Variants in ETV6 observed in about 807,000 individuals in gnomAD.
The protein encoded by ETV6 is transcription factor ETV6.
In ETV6, 16 loss-of-function variants were observed where a neutral mutation model predicts 51.1. That is an observed-to-expected ratio of 0.31 (90% CI 0.21 to 0.48). ETV6 has a LOEUF of 0.48. Among genes scored for constraint, ETV6 ranks in the 20% least tolerant of loss-of-function variants. The pLI, the probability that ETV6 is intolerant of heterozygous loss-of-function variation, is 0.99. For missense variants in ETV6, 458 were observed against 594.8 expected (o/e 0.77, Z 2.39); for synonymous variants, 240 against 224.1 (o/e 1.07, Z -0.64).
At chr12:11,702,730 A>T (rs1865007768) in intron 1 of ETV6, among the ~76,000 whole-genome samples, 1 of 152,198 alleles carries the variant, frequency 6.6e-6, no homozygotes, top group South Asian at 2.1e-4. Flanking sequence ...AGGAAGACAT[A>T]GTCGTTGTTC....
At chr12:11,759,066 T>C (rs748490337) in intron 2 of ETV6, among the ~76,000 whole-genome samples, 13 of 152,064 alleles carry the variant, frequency 8.5e-5, no homozygotes, top group Admixed American at 2.0e-4. Context: ...GGGTTTGCTG[T>C]CTGAAAGAAT....
intron 1 of ETV6, among the ~76,000 whole-genome samples, chr12:11,650,875 C>CTT (rs1268255207): frequency 1.3e-5 from 2 of 152,158 alleles, no homozygotes; most frequent in African/African-American, 4.8e-5. Context: ...ACTAAGCAAC[C>CTT]AGGCAAAATG....
At chr12:11,880,452 A>C (rs1947072966) in intron 5 of ETV6, among the ~76,000 whole-genome samples, 1 of 152,208 alleles carries the variant, frequency 6.6e-6, no homozygotes, top group Admixed American at 6.5e-5. Flanking sequence ...TCTAGGTCCT[A>C]GTTTGATGCC....
intron 1 of ETV6, among the ~76,000 whole-genome samples, chr12:11,703,382 T>TA (rs1865018523): frequency 6.6e-6 from 1 of 152,026 alleles, no homozygotes; most frequent in African/African-American, 2.4e-5. Flanking sequence ...AGAAGTGTGA[T>TA]AAAAATAATT....
rs1054376954 is a variant in ETV6, at chr12:11,802,844, T to G, written c.164-36296T>G. Among the ~76,000 whole-genome samples, 16 of 152,220 alleles carry G rather than the reference T, an allele frequency of 1.1e-4. No individual in the cohort carries two copies. The East Asian group carries it at 3.1e-3, about 29-fold the overall frequency. ...CATAGCAGCTCTCCTGGCCCAGCTC[T>G]TAGTTTGAAAGTTTGGTCTCCTAAT... On this transcript the variant is annotated intron_variant, in intron 2 of 7. Coordinates refer to ENST00000396373, the MANE Select transcript of ETV6 (RefSeq NM_001987.5).
intron 1 of ETV6, among the ~76,000 whole-genome samples, chr12:11,661,745 T>C (rs531554589): frequency 6.6e-6 from 1 of 152,200 alleles, no homozygotes; most frequent in Non-Finnish European, 1.5e-5. Flanking sequence ...GTAAGAGTGT[T>C]TTCCTTCAGA....
At chr12:11,882,689 T>C (rs1344760121) in intron 5 of ETV6, among the ~76,000 whole-genome samples, 1 of 152,242 alleles carries the variant, frequency 6.6e-6, no homozygotes, top group East Asian at 1.9e-4. Flanking sequence ...GTAAGTGCTG[T>C]TATTCCCACT....
intron 2 of ETV6, among the ~76,000 whole-genome samples, chr12:11,806,871 C>G (rs1245398124): frequency 6.6e-6 from 1 of 152,240 alleles, no homozygotes; most frequent in Non-Finnish European, 1.5e-5. Context: ...ACTCTGTGAC[C>G]TCACCCTTTG....
chr12:11,670,603 ACCCCACCATAGGG>A (rs1864294439), intron 1 of ETV6, among the ~76,000 whole-genome samples: 1 of 152,206 alleles, frequency 6.6e-6, no homozygotes, highest in South Asian at 2.1e-4. Flanking sequence ...CTGGAGTCTA[ACCCCACCATAGGG>A]CAGCAGCATT....
chr12:11,780,781 C>G (rs985577760), intron 2 of ETV6, among the ~76,000 whole-genome samples: 3 of 152,214 alleles, frequency 2.0e-5, no homozygotes, highest in Admixed American at 2.0e-4. Flanking sequence ...TTGGGATTCC[C>G]CCACATGCGG....
chr12:11,728,318 C>T lies in ETV6; in HGVS notation c.34-24132C>T, dbSNP rs1335879343. ...TACCAGGGGTCCCCAACCCCCAGAC[C>T]GCAGACTAGTACTGTCCGTGGCCTT... On this transcript the variant is annotated intron_variant, in intron 1 of 7. Coordinates refer to ENST00000396373, the MANE Select transcript of ETV6 (RefSeq NM_001987.5). Among the ~76,000 whole-genome samples, 7 of 152,194 alleles carry T rather than the reference C, an allele frequency of 4.6e-5. No individual in the cohort carries two copies. In the East Asian group the frequency reaches 9.6e-4, roughly 21 times the overall value.
chr12:11,842,485 C>A (rs1367427359), intron 3 of ETV6, among the ~76,000 whole-genome samples: 2 of 151,642 alleles, frequency 1.3e-5, no homozygotes, highest in Non-Finnish European at 2.9e-5. Flanking sequence ...CGGATCCCTC[C>A]CCTAGAGTGG....
intron 1 of ETV6, among the ~76,000 whole-genome samples, chr12:11,668,855 G>A (rs1027931318): frequency 2.0e-5 from 3 of 152,156 alleles, no homozygotes; most frequent in South Asian, 2.1e-4. Flanking sequence ...GATGTTGGAC[G>A]TTGTGGGCCA....
chr12:11,704,413 C>T (rs1865036412), intron 1 of ETV6, among the ~76,000 whole-genome samples: 1 of 152,186 alleles, frequency 6.6e-6, no homozygotes, highest in Admixed American at 6.5e-5. Flanking sequence ...GTGGCGTGAT[C>T]TCAGCTCACT....
At chr12:11,748,853 C>A (rs4548709) in intron 1 of ETV6, among the ~76,000 whole-genome samples, 7,077 of 152,158 alleles carry the variant, frequency 0.047, 239 homozygotes, top group African/African-American at 0.085. Flanking sequence ...TCAGTCCTTA[C>A]GCTTTCAAGA....
intron 5 of ETV6, among the ~76,000 whole-genome samples, chr12:11,871,511 A>G (rs1946881543): frequency 1.3e-5 from 2 of 152,084 alleles, no homozygotes; most frequent in South Asian, 4.1e-4. Flanking sequence ...TTTTTTATTT[A>G]AATCATGTAT....
chr12:11,762,662 C>G (rs1447971168), intron 2 of ETV6, among the ~76,000 whole-genome samples: 1 of 152,190 alleles, frequency 6.6e-6, no homozygotes, highest in Non-Finnish European at 1.5e-5. Context: ...CCTCAGCCAG[C>G]AGAGAGAATC....
At chr12:11,662,117 A>C (rs1240861928) in intron 1 of ETV6, among the ~76,000 whole-genome samples, 2 of 152,170 alleles carry the variant, frequency 1.3e-5, no homozygotes, top group African/African-American at 4.8e-5. Context: ...CCAACACTTT[A>C]TCTTTTTGAA....
intron 4 of ETV6, among the ~76,000 whole-genome samples, chr12:11,859,118 GGTTTTTTTTTTTTTTTTTTTTTTTTT>G (rs1946675318): frequency 2.4e-5 from 1 of 41,794 alleles, no homozygotes; most frequent in African/African-American, 7.0e-5. Flanking sequence ...ATATGAATCT[GGTTTTTTTTTTTTTTTTTTTTTTTTT>G]TTTTTTTTTT....
Sources: gnomAD v4.1 joint callset for allele counts (sites outside exome capture counted in the v4.1 genomes callset) on GRCh38, gnomAD v4.1.1 for gene constraint, MANE v1.5 for transcripts, NCBI Gene and HGNC (gene_info 2026-07-23, HGNC 2026-07-21) for gene names.